The following CALM2 variants were observed in gnomAD, a reference collection of about 807,000 sequenced individuals.
CALM2 encodes calmodulin-2.
Under a neutral mutation model 19.8 loss-of-function variants are expected in CALM2, and 2 were observed. The observed-to-expected ratio is 0.10, with a 90% CI of 0.04 to 0.32. The LOEUF is 0.32. Among genes scored for constraint, CALM2 ranks in the 10% least tolerant of loss-of-function variants. CALM2 has a pLI of 1.00. For missense variants in CALM2, 38 were observed against 178.7 expected, an observed-to-expected ratio of 0.21 and a Z score of 4.49; for synonymous variants, 51 against 52.1, an observed-to-expected ratio of 0.98 and a Z score of 0.09.
rs962127355 is a variant in CALM2, at chr2:47,172,734, C to T, written c.4-1970G>A. On this transcript the variant is annotated intron_variant, in intron 1 of 5. Coordinates refer to ENST00000272298, the MANE Select transcript of CALM2 (RefSeq NM_001743.6). ...TGAGCTAAATGTGTGGCAGACACTG[C>T]AGCCTGTGTGAAAGTTGAAGGATCC... 29 of 218,680 alleles carry T rather than the reference C, an allele frequency of 1.3e-4. No individual in the cohort carries two copies. In the Admixed American group the frequency reaches 1.4e-3, roughly 11 times the overall value. The allele number at this position is 218,680 out of a possible 1,614,324, so 13.5% of individuals were successfully genotyped here.
At chr2:47,164,411 G>A (rs1666388357) in intron 2 of CALM2, among the ~76,000 whole-genome samples, 1 of 135,710 alleles carries the variant, frequency 7.4e-6, no homozygotes, top group Admixed American at 7.3e-5. Flanking sequence ...GCGTGGGCCT[G>A]TAGTCCCCCG....
intron 2 of CALM2, among the ~76,000 whole-genome samples, chr2:47,164,657 C>T (rs1015930919): frequency 6.6e-6 from 1 of 151,746 alleles, no homozygotes; most frequent in Non-Finnish European, 1.5e-5. Flanking sequence ...AAAGTTATAC[C>T]AATCAGTAAA....
chr2:47,173,443 G>C (rs1666738953), intron 1 of CALM2: 1 of 152,100 alleles, frequency 6.6e-6, no homozygotes, highest in African/African-American at 2.4e-5. Context: ...AAGTTCCTAG[G>C]CATTAGTATA....
At chr2:47,174,219 CG>C (rs2103852789) in intron 1 of CALM2, 1 of 152,210 alleles carries the variant, frequency 6.6e-6, no homozygotes, top group South Asian at 2.1e-4. Flanking sequence ...ACTTTACTTC[CG>C]TATAAAATTT....
At chr2:47,174,720 C>G (rs1009499391) in intron 1 of CALM2, among the ~76,000 whole-genome samples, 1 of 151,836 alleles carries the variant, frequency 6.6e-6, no homozygotes, top group African/African-American at 2.4e-5. Context: ...ATTATCAAAA[C>G]TGATTAAAGA....
chr2:47,171,768 A>G (rs1666675815), intron 1 of CALM2: 1 of 152,196 alleles, frequency 6.6e-6, no homozygotes, highest in Non-Finnish European at 1.5e-5. Flanking sequence ...CAAGTATACA[A>G]TGATTAATCC....
rs1553431762 is a variant in CALM2, at chr2:47,162,198, A to AAC, written c.285+87_285+88insGT. 6.0e-5 allele frequency: 26 copies of AAC among 433,540 alleles called. No individual in the cohort carries two copies. In the African/African-American group the frequency reaches 6.5e-4, roughly 11 times the overall value. 26.9% of individuals were successfully genotyped at this position (433,540 alleles called of 1,614,324 possible). A position where few individuals can be genotyped will look rare whatever the true frequency, so the allele number is the denominator to read the frequency against. ...AAAAAAAAAAAAAAAAAAAAAAAAAAAACAACCAAAAAAACACAAGTCTTC... is the reference window on the plus strand; with the variant it reads ...AAAAAAAAAAAAAAAAAAAAAAAAAAACAACAACCAAAAAAACACAAGTCTTC... On this transcript the variant is annotated intron_variant, in intron 4 of 5. Transcript: ENST00000272298.
intron 1 of CALM2, 49 bp downstream of exon 1, chr2:47,176,392 G>A (rs1247296902): frequency 2.5e-6 from 4 of 1,608,096 alleles, no homozygotes; most frequent in East Asian, 4.5e-5. Flanking sequence ...GTTCGCTCCA[G>A]TCTCTTCCCC....
intron 2 of CALM2, chr2:47,163,003 G>C (rs1466886050): frequency 5.9e-6 from 1 of 168,994 alleles, no homozygotes; most frequent in East Asian, 1.7e-4. Context: ...GGTTTACAGA[G>C]GAAAAGAACC....
At chr2:47,168,783 CT>C (rs11291626) in intron 2 of CALM2, among the ~76,000 whole-genome samples, 129,514 of 149,312 alleles carry the variant, frequency 0.87, 56,148 homozygotes, top group Middle Eastern at 0.92. Context: ...TAGACACAAA[CT>C]TTTTTTTTTT....
At chr2:47,170,470 C>T (rs144777917) in intron 2 of CALM2, among the ~76,000 whole-genome samples, 169 of 152,244 alleles carry the variant, frequency 1.1e-3, no homozygotes, top group Middle Eastern at 6.8e-3. Flanking sequence ...CAAAGACCAC[C>T]ACTACACCAC....
chr2:47,172,806 T>TG (rs1666717354), intron 1 of CALM2: 1 of 3,022 alleles, frequency 3.3e-4, no homozygotes, highest in African/African-American at 6.8e-4. Flanking sequence ...TCTACATGGG[T>TG]TGGGGGGGGG....
intron 2 of CALM2, among the ~76,000 whole-genome samples, chr2:47,169,600 A>T (rs1333655982): frequency 2.0e-5 from 3 of 152,244 alleles, no homozygotes; most frequent in African/African-American, 7.2e-5. Context: ...AGTAAAAACT[A>T]AGTTTAAGTC....
At position 47,176,496 on chromosome 2, in the gene CALM2, T is replaced by C. The variant is rs1050499857; in HGVS notation, c.-53A>G. On this transcript the variant is annotated 5_prime_UTR_variant, in exon 1 of 6. Transcript: ENST00000272298. ...GCGACCACACAACCACTCAGCTCGC[T>C]CTCTCCACTCGGACTAATTCGCCTC... is the stretch of plus-strand genomic sequence containing the variant. The C allele has an allele frequency of 1.9e-6, 3 of 1,610,960 alleles. No individual in the cohort carries two copies. Among genetic ancestry groups the C allele is most frequent in the Non-Finnish European group, 1.7e-6 (2 of 1,178,936 alleles).
At position 47,161,582 on chromosome 2, in the gene CALM2, T is replaced by A. The variant is rs148957461; in HGVS notation, c.421+141A>T. 7.0e-4 allele frequency: 474 copies of A among 676,388 alleles called. 4 individuals are homozygous for A. The African/African-American group carries it at 7.5e-3, about 11-fold the overall frequency. The allele number at this position is 676,388 out of a possible 1,614,324, so 41.9% of individuals were successfully genotyped here. On this transcript the variant is annotated intron_variant, in intron 5 of 5. Coordinates refer to ENST00000272298, the MANE Select transcript of CALM2 (RefSeq NM_001743.6). ...CTAGTCTGCAGACAACACTCTGAAT[T>A]TTAAGAAGGTTAAATGTAAGTAACT...
chr2:47,167,978 A>C (rs1323770792), intron 2 of CALM2, among the ~76,000 whole-genome samples: 2 of 151,764 alleles, frequency 1.3e-5, no homozygotes, highest in African/African-American at 2.4e-5. Context: ...TTCATCTCAA[A>C]GGTAAACACT....
At chr2:47,168,140 T>A (rs1666549537) in intron 2 of CALM2, among the ~76,000 whole-genome samples, 1 of 152,236 alleles carries the variant, frequency 6.6e-6, no homozygotes, top group Admixed American at 6.5e-5. Context: ...GTACCGGGCC[T>A]ACAAAGTAGA....
chr2:47,168,977 C>G (rs1262411810), intron 2 of CALM2, among the ~76,000 whole-genome samples: 6 of 152,100 alleles, frequency 3.9e-5, no homozygotes, highest in African/African-American at 1.4e-4. Context: ...GGGGTTTCAC[C>G]ACGTTGGCCA....
chr2:47,174,655 C>T (rs1359752949), intron 1 of CALM2, among the ~76,000 whole-genome samples: 1 of 151,810 alleles, frequency 6.6e-6, no homozygotes, highest in East Asian at 1.9e-4. Flanking sequence ...CAAGGGACCA[C>T]AAATGCGTAG....
Sources: allele counts gnomAD v4.1 joint callset (sites outside exome capture counted in the v4.1 genomes callset), GRCh38; gene constraint gnomAD v4.1.1; transcripts MANE v1.5; gene names NCBI Gene and HGNC (gene_info 2026-07-23, HGNC 2026-07-21).